Variants in LSAMP observed in about 807,000 individuals in gnomAD.
The protein encoded by LSAMP is limbic system associated membrane protein, also known as limbic system-associated membrane protein.
LSAMP carries 7 observed loss-of-function variants against 38.6 expected under a neutral mutation model. That is an observed-to-expected ratio of 0.18 (90% CI 0.10 to 0.34). The LOEUF is 0.34. Ranked by LOEUF, LSAMP falls within the 10% of genes least tolerant of loss-of-function variation. The probability of loss-of-function intolerance (pLI) is 1.00; values close to 1 mark genes in which losing one functional copy is unlikely to be tolerated. For synonymous variants in LSAMP, 154 were observed against 166.8 expected (o/e 0.92, Z 0.59); for missense variants, 313 against 420.0 (o/e 0.75, Z 2.23).
chr3:115,852,406 A>C, intron 4 of LSAMP, 77 bp downstream of exon 4: 1 of 1,467,748 alleles, frequency 6.8e-7, no homozygotes, highest in African/African-American at 1.4e-5. Flanking sequence ...TTCTTTTGCT[A>C]ATGGAATCTT....
chr3:115,958,326 A>C (rs1013203356), intron 3 of LSAMP, among the ~76,000 whole-genome samples: 3 of 152,202 alleles, frequency 2.0e-5, no homozygotes, highest in Admixed American at 6.5e-5. Flanking sequence ...ATATATGCTT[A>C]ATTTTCCAGC....
intron 3 of LSAMP, among the ~76,000 whole-genome samples, chr3:115,960,114 C>T (rs1938578074): frequency 6.6e-6 from 1 of 152,080 alleles, no homozygotes; most frequent in Non-Finnish European, 1.5e-5. Context: ...AAAGTCCCAA[C>T]CCTTAGTACC....
chr3:116,063,428 T>C lies in LSAMP; in HGVS notation c.388+22896A>G, dbSNP rs569509514. ...GTCAAAGGCACCTCAATTTATATTA[T>C]GATTCCAAGAATAGGCTTATCAGTC... On this transcript the variant is annotated intron_variant, in intron 2 of 6. Coordinates refer to ENST00000490035, the MANE Select transcript of LSAMP (RefSeq NM_002338.5). 9.5e-4 allele frequency among the ~76,000 whole-genome samples: 145 copies of C among 152,320 alleles called. 1 individual carries two copies. Among genetic ancestry groups the C allele is most frequent in the East Asian group, 5.8e-4 (3 of 5,184 alleles).
At chr3:115,849,261 G>A (rs1935255902) in intron 4 of LSAMP, among the ~76,000 whole-genome samples, 1 of 152,168 alleles carries the variant, frequency 6.6e-6, no homozygotes, top group African/African-American at 2.4e-5. Context: ...TGTAAAAGTG[G>A]CTATGTGTAA....
chr3:116,324,884 C>A (rs1349836033), intron 1 of LSAMP, among the ~76,000 whole-genome samples: 1 of 151,976 alleles, frequency 6.6e-6, no homozygotes, highest in African/African-American at 2.4e-5. Context: ...TTATTTTTAG[C>A]CCTTCTAGGG....
chr3:116,270,323 T>C (rs1424807255), intron 1 of LSAMP, among the ~76,000 whole-genome samples: 1 of 152,116 alleles, frequency 6.6e-6, no homozygotes, highest in Non-Finnish European at 1.5e-5. Flanking sequence ...ACTCCATTTA[T>C]CTGGATGACC....
intron 1 of LSAMP, among the ~76,000 whole-genome samples, chr3:116,426,556 C>A (rs1181814500): frequency 1.3e-5 from 2 of 150,914 alleles, no homozygotes; most frequent in Non-Finnish European, 2.9e-5. Flanking sequence ...AGAATGATAG[C>A]AGTGGGAATA....
chr3:116,328,315 G>T (rs1041709228), intron 1 of LSAMP, among the ~76,000 whole-genome samples: 3 of 152,138 alleles, frequency 2.0e-5, no homozygotes, highest in Non-Finnish European at 4.4e-5. Context: ...TGACACTGAT[G>T]ATGGGAAATT....
chr3:116,344,536 GAAAT>G (rs2048038942), intron 1 of LSAMP, among the ~76,000 whole-genome samples: 1 of 152,020 alleles, frequency 6.6e-6, no homozygotes, highest in South Asian at 2.1e-4. Flanking sequence ...ATTCACTAAA[GAAAT>G]CTCCTGCCTC....
chr3:115,939,792 T>A lies in LSAMP; in HGVS notation c.514+79723A>T, dbSNP rs150216578. On this transcript the variant is annotated intron_variant, in intron 3 of 6. Coordinates refer to ENST00000490035, the MANE Select transcript of LSAMP (RefSeq NM_002338.5). ...CCAGGCTTGTCTTGAACTCCTGGGCTCAAACGATCATCCTGCTCCTCCTCT... is the reference window on the plus strand; with the variant it reads ...CCAGGCTTGTCTTGAACTCCTGGGCACAAACGATCATCCTGCTCCTCCTCT... 5.0e-4 allele frequency among the ~76,000 whole-genome samples: 76 copies of A among 152,202 alleles called. 1 individual carries two copies. Among genetic ancestry groups the A allele is most frequent in the Admixed American group, 1.2e-3 (19 of 15,272 alleles).
At chr3:116,162,942 C>A (rs1293453627) in intron 1 of LSAMP, among the ~76,000 whole-genome samples, 1 of 152,016 alleles carries the variant, frequency 6.6e-6, no homozygotes, top group Non-Finnish European at 1.5e-5. Context: ...ATGGCTTGAC[C>A]TCCAGCCTAC....
intron 1 of LSAMP, among the ~76,000 whole-genome samples, chr3:116,340,306 A>G (rs2047974749): frequency 6.6e-6 from 1 of 152,072 alleles, no homozygotes; most frequent in Non-Finnish European, 1.5e-5. Flanking sequence ...TCTCACAGTG[A>G]AAATTTAATA....
rs375494736 is a variant in LSAMP, at chr3:116,346,394, T to C, written c.155+98483A>G. On this transcript the variant is annotated intron_variant, in intron 1 of 6. Transcript: ENST00000490035. Reference sequence around the variant, plus strand: ...GCCAAGATGGAATGCAGTGGTACCATCTCAGTTCACTGCAACCTCTGCTTC... The same window carrying C: ...GCCAAGATGGAATGCAGTGGTACCACCTCAGTTCACTGCAACCTCTGCTTC... Among the ~76,000 whole-genome samples, 6 of 151,488 alleles carry C rather than the reference T, an allele frequency of 4.0e-5. No individual in the cohort carries two copies. In the East Asian group the frequency reaches 7.8e-4, roughly 20 times the overall value.
chr3:116,161,429 C>T (rs1286584157), intron 1 of LSAMP, among the ~76,000 whole-genome samples: 1 of 152,116 alleles, frequency 6.6e-6, no homozygotes, highest in Non-Finnish European at 1.5e-5. Context: ...CTGTGGTTAA[C>T]TCCATTTATT....
intron 2 of LSAMP, among the ~76,000 whole-genome samples, chr3:116,031,854 C>A (rs1940932973): frequency 6.6e-6 from 1 of 151,976 alleles, no homozygotes; most frequent in African/African-American, 2.4e-5. Context: ...CACATTATTT[C>A]CTTCTAAACA....
intron 1 of LSAMP, among the ~76,000 whole-genome samples, chr3:116,349,766 T>C (rs1450491587): frequency 1.3e-5 from 2 of 151,944 alleles, no homozygotes; most frequent in South Asian, 2.1e-4. Context: ...GGATTTCCAA[T>C]GAGGCAACGA....
chr3:116,236,489 T>C (rs1369660670), intron 1 of LSAMP, among the ~76,000 whole-genome samples: 7 of 152,130 alleles, frequency 4.6e-5, no homozygotes, highest in African/African-American at 1.4e-4. Flanking sequence ...GACCTTCATC[T>C]TGATTTTCAC....
intron 2 of LSAMP, among the ~76,000 whole-genome samples, chr3:116,022,716 A>C (rs901325899): frequency 1.3e-5 from 2 of 152,086 alleles, no homozygotes; most frequent in Non-Finnish European, 2.9e-5. Flanking sequence ...CTTCATCTCA[A>C]TCTATACATT....
intron 3 of LSAMP, among the ~76,000 whole-genome samples, chr3:115,870,343 T>G (rs961246112): frequency 6.6e-6 from 1 of 152,152 alleles, no homozygotes. Flanking sequence ...AGTTGGGGAA[T>G]ATAGTAGATG....
Sources: gnomAD v4.1 joint callset for allele counts (sites outside exome capture counted in the v4.1 genomes callset) on GRCh38, gnomAD v4.1.1 for gene constraint, MANE v1.5 for transcripts, NCBI Gene and HGNC (gene_info 2026-07-23, HGNC 2026-07-21) for gene names.